ACTR3B: variants seen among roughly 807,000 people sequenced by gnomAD.
ACTR3B encodes actin related protein 3B, also known as actin-related protein 3B.
ACTR3B carries 8 observed loss-of-function variants against 59.0 expected under a neutral mutation model. The observed-to-expected ratio is 0.14, with a 90% CI of 0.08 to 0.24. The LOEUF is 0.24. Among genes scored for constraint, ACTR3B ranks in the 10% least tolerant of loss-of-function variants. The pLI, the probability that ACTR3B is intolerant of heterozygous loss-of-function variation, is 1.00. For missense variants in ACTR3B, 245 were observed against 552.3 expected (o/e 0.44, Z 5.58); for synonymous variants, 148 against 197.9 (o/e 0.75, Z 2.12).
At chr7:152,835,169 T>TC (rs1425896891) in intron 9 of ACTR3B, among the ~76,000 whole-genome samples, 4 of 152,196 alleles carry the variant, frequency 2.6e-5, no homozygotes, top group Non-Finnish European at 1.5e-5. Context: ...CCAAGCCGCG[T>TC]GGGTCTCCAC....
intron 2 of ACTR3B, among the ~76,000 whole-genome samples, chr7:152,789,074 A>AACG (rs2098185717): frequency 1.3e-5 from 2 of 151,590 alleles, no homozygotes; most frequent in Admixed American, 1.3e-4. Flanking sequence ...AAACAACAAC[A>AACG]ACAACAACAA....
chr7:152,792,800 C>CA (rs1166697930), intron 2 of ACTR3B, among the ~76,000 whole-genome samples: 18 of 151,992 alleles, frequency 1.2e-4, no homozygotes, highest in African/African-American at 4.1e-4. Flanking sequence ...AAATAATGGA[C>CA]TGCCTGAACA....
Position 152,759,856 on chromosome 7 carries a change from C to T in ACTR3B, c.-27C>T. The T allele has an allele frequency of 5.5e-6, 7 of 1,264,810 alleles. No individual in the cohort carries two copies. Among genetic ancestry groups the T allele is most frequent in the Non-Finnish European group, 7.0e-6 (7 of 1,001,468 alleles). 78.3% of individuals were successfully genotyped at this position (1,264,810 alleles called of 1,614,324 possible). ...CGACGGGGCGCTCTCGGGCTGCCGG[C>T]GGGGCCGAGCGCCGCGCGTCCCGAG... On this transcript the variant is annotated 5_prime_UTR_variant, in exon 1 of 12. Coordinates refer to ENST00000256001, the MANE Select transcript of ACTR3B (RefSeq NM_020445.6).
At chr7:152,791,208 A>G (rs997161470) in intron 2 of ACTR3B, among the ~76,000 whole-genome samples, 2 of 151,782 alleles carry the variant, frequency 1.3e-5, no homozygotes, top group Admixed American at 1.3e-4. Flanking sequence ...ACAGGGTTTC[A>G]TTGTGTTGCC....
chr7:152,822,139 G>A (rs1347589119), intron 7 of ACTR3B, among the ~76,000 whole-genome samples: 2 of 152,236 alleles, frequency 1.3e-5, no homozygotes, highest in Non-Finnish European at 2.9e-5. Flanking sequence ...GGGTTGTGTA[G>A]CACTTCTTGC....
At chr7:152,783,663 T>C (rs1360755628) in intron 2 of ACTR3B, among the ~76,000 whole-genome samples, 2 of 152,322 alleles carry the variant, frequency 1.3e-5, no homozygotes, top group African/African-American at 4.8e-5. Flanking sequence ...TTATTGTGTT[T>C]AGTAGTATTC....
At chr7:152,786,792 T>C (rs1170302510) in intron 2 of ACTR3B, among the ~76,000 whole-genome samples, 1 of 152,212 alleles carries the variant, frequency 6.6e-6, no homozygotes, top group Non-Finnish European at 1.5e-5. Flanking sequence ...TGTACAAAGA[T>C]ACATTGTTTT....
rs374232870 is a variant in ACTR3B at position 152,768,887 on chromosome 7, TC to T, written c.44+8962del. ...TTTTTTAATTGAGACCGAGTCTCCT[TC>T]TGTCGTACAGGCTGGAGTGCAGTGG... is the stretch of plus-strand genomic sequence containing the variant. On this transcript the variant is annotated intron_variant, in intron 1 of 11. Transcript: ENST00000256001. 2.8e-4 allele frequency among the ~76,000 whole-genome samples: 42 copies of T among 150,872 alleles called. No homozygotes were observed. The East Asian group carries it at 7.3e-3, about 26-fold the overall frequency.
intron 2 of ACTR3B, among the ~76,000 whole-genome samples, chr7:152,796,876 T>G (rs77103323): frequency 0.31 from 19,344 of 61,850 alleles, 841 homozygotes; most frequent in East Asian, 0.39. Context: ...TTTTTTTTTT[T>G]TTTTTTTTTT....
intron 1 of ACTR3B, among the ~76,000 whole-genome samples, chr7:152,778,943 C>CAAAAAAAAAAAAAAAAAAAAAAAA (rs59789390): frequency 2.7e-5 from 1 of 36,826 alleles, no homozygotes; most frequent in Non-Finnish European, 4.4e-5. Flanking sequence ...ACTGTGTCTC[C>CAAAAAAAAAAAAAAAAAAAAAAAA]AAAAAAAAAA....
At chr7:152,850,623 G>T (rs1341530598) in intron 9 of ACTR3B, among the ~76,000 whole-genome samples, 1 of 152,240 alleles carries the variant, frequency 6.6e-6, no homozygotes, top group Non-Finnish European at 1.5e-5. Context: ...TGTCACAGCA[G>T]TTCTAGGAGC....
intron 1 of ACTR3B, among the ~76,000 whole-genome samples, chr7:152,775,552 G>A (rs1441774764): frequency 6.6e-6 from 1 of 152,068 alleles, no homozygotes; most frequent in East Asian, 1.9e-4. Flanking sequence ...CTAAGGTCGG[G>A]AGTTTGAGAG....
rs59878143 is a variant in ACTR3B at position 152,818,409 on chromosome 7, A to G, written c.540+1821A>G. Among the ~76,000 whole-genome samples, 872 of 152,308 alleles carry G rather than the reference A, an allele frequency of 5.7e-3. 11 individuals carry two copies. Among genetic ancestry groups the G allele is most frequent in the African/African-American group, 0.02 (818 of 41,558 alleles). On this transcript the variant is annotated intron_variant, in intron 6 of 11. Transcript: ENST00000256001. ...ATAAAATTACCTTTAAAGCCACCCAAAGACCTGTATTAATACTTTTAGCTG... is the reference window on the plus strand; with the variant it reads ...ATAAAATTACCTTTAAAGCCACCCAGAGACCTGTATTAATACTTTTAGCTG...
intron 2 of ACTR3B, among the ~76,000 whole-genome samples, chr7:152,795,843 CTTG>C (rs1196489907): frequency 7.2e-6 from 1 of 139,350 alleles, no homozygotes; most frequent in Non-Finnish European, 1.5e-5. Context: ...CTTAGTAGCT[CTTG>C]TTTTTTTTTT....
At chr7:152,766,557 C>T (rs533059308) in intron 1 of ACTR3B, among the ~76,000 whole-genome samples, 1 of 152,308 alleles carries the variant, frequency 6.6e-6, no homozygotes, top group South Asian at 2.1e-4. Flanking sequence ...TTCTAAGAGA[C>T]AGCAGTCTCA....
intron 1 of ACTR3B, 70 bp downstream of exon 1, chr7:152,759,996 C>T (rs2098084071): frequency 8.0e-7 from 1 of 1,256,022 alleles, no homozygotes; most frequent in South Asian, 2.3e-5. Context: ...TCCACCTCGC[C>T]TGGAGGTCGA....
chr7:152,762,257 A>T (rs1342168003), intron 1 of ACTR3B, among the ~76,000 whole-genome samples: 1 of 152,216 alleles, frequency 6.6e-6, no homozygotes, highest in Non-Finnish European at 1.5e-5. Context: ...TCATCTATTT[A>T]AAGGGATGAC....
Position 152,854,532 on chromosome 7 carries a change from C to T in ACTR3B, c.1236C>T (p.Pro412=), listed in dbSNP as rs763194329. The T allele has an allele frequency of 1.4e-5, 23 of 1,614,136 alleles. No homozygotes were observed. The highest frequency in any genetic ancestry group is 8.3e-5 in the Admixed American group (5 of 60,022). The change falls in exon 12 of 12, where the codon CCC becomes CCT. Residue 412 remains proline, a synonymous_variant. Coordinates refer to ENST00000256001, the MANE Select transcript of ACTR3B (RefSeq NM_020445.6). This position sits in a 1 kb window ranked among gnomAD's most constrained non-coding sequence, Gnocchi z 4.9. ...EYGPSICRHN[P]VFGVMS ...GGCCCAGCATCTGCCGCCACAACCC[C>T]GTCTTTGGAGTCATGTCCTAGTGTC...
intron 10 of ACTR3B, among the ~76,000 whole-genome samples, chr7:152,852,804 T>C (rs1798923397): frequency 6.6e-6 from 1 of 152,096 alleles, no homozygotes; most frequent in Non-Finnish European, 1.5e-5. Flanking sequence ...TTTTTTCTTT[T>C]TTCTTGAGAC....
Sources: allele counts gnomAD v4.1 joint callset (sites outside exome capture counted in the v4.1 genomes callset), GRCh38; gene constraint gnomAD v4.1.1; non-coding constraint Gnocchi (gnomAD v3.1); transcripts MANE v1.5; gene names NCBI Gene and HGNC (gene_info 2026-07-23, HGNC 2026-07-21).